Variants in PCDH9 observed in about 807,000 individuals in gnomAD.
PCDH9 encodes the protein protocadherin 9.
Under a neutral mutation model 70.6 loss-of-function variants are expected in PCDH9, and 24 were observed. That is an observed-to-expected ratio of 0.34 (90% CI 0.25 to 0.48). The LOEUF (loss-of-function observed/expected upper bound fraction) is 0.48, where lower values mean the gene tolerates loss of function less well. Among genes scored for constraint, PCDH9 ranks in the 20% least tolerant of loss-of-function variants. PCDH9 has a pLI of 0.99. For synonymous variants in PCDH9, 562 were observed against 558.5 expected (o/e 1.01, Z -0.09); for missense variants, 1,281 against 1,503.6 (o/e 0.85, Z 2.45).
chr13:66,585,270 T>C (rs1178704706), intron 4 of PCDH9, among the ~76,000 whole-genome samples: 1 of 152,116 alleles, frequency 6.6e-6, no homozygotes, highest in Non-Finnish European at 1.5e-5. Context: ...AAATAGAAAA[T>C]TCTCTTTGTA....
chr13:66,956,184 G>A (rs986553864), intron 2 of PCDH9, among the ~76,000 whole-genome samples: 1 of 152,160 alleles, frequency 6.6e-6, no homozygotes, highest in African/African-American at 2.4e-5. Context: ...CTGACAGCTA[G>A]GAGGGGCTCA....
chr13:66,816,506 C>T (rs1165298865), intron 3 of PCDH9, among the ~76,000 whole-genome samples: 2 of 152,120 alleles, frequency 1.3e-5, no homozygotes, highest in Non-Finnish European at 2.9e-5. Flanking sequence ...TAAATTTATT[C>T]CTTTTTTCTT....
At chr13:67,161,802 T>C (rs1237823055) in intron 2 of PCDH9, among the ~76,000 whole-genome samples, 1 of 152,190 alleles carries the variant, frequency 6.6e-6, no homozygotes, top group Non-Finnish European at 1.5e-5. Flanking sequence ...CTCTTACAAA[T>C]ATCTGTAATC....
chr13:66,725,873 T>G (rs949497060), intron 3 of PCDH9, among the ~76,000 whole-genome samples: 1 of 152,188 alleles, frequency 6.6e-6, no homozygotes, highest in Non-Finnish European at 1.5e-5. Context: ...AGGAAAAGTA[T>G]CATTTCCATT....
At chr13:66,675,462 T>C (rs1218226403) in intron 3 of PCDH9, among the ~76,000 whole-genome samples, 1 of 152,150 alleles carries the variant, frequency 6.6e-6, no homozygotes, top group African/African-American at 2.4e-5. Flanking sequence ...TGCATGTTTC[T>C]GGTTATAGAC....
chr13:66,895,052 C>A (rs1396783854), intron 3 of PCDH9, among the ~76,000 whole-genome samples: 1 of 152,132 alleles, frequency 6.6e-6, no homozygotes, highest in Non-Finnish European at 1.5e-5. Flanking sequence ...AAGTGATCTG[C>A]CCGCCTTGGC....
chr13:66,313,494 G>A (rs946020749), intron 4 of PCDH9, among the ~76,000 whole-genome samples: 15 of 152,182 alleles, frequency 9.9e-5, no homozygotes, highest in Admixed American at 9.8e-4. Context: ...TTTTCAGGCT[G>A]AAGTCCAAGT....
At chr13:66,636,176 G>A (rs879249303) in intron 3 of PCDH9, among the ~76,000 whole-genome samples, 5 of 152,052 alleles carry the variant, frequency 3.3e-5, no homozygotes, top group African/African-American at 1.2e-4. Context: ...ATTCAAAAAT[G>A]TTATTATTTT....
At chr13:66,682,366 AT>A (rs2078337462) in intron 3 of PCDH9, among the ~76,000 whole-genome samples, 1 of 48,524 alleles carries the variant, frequency 2.1e-5, no homozygotes, top group Non-Finnish European at 4.0e-5. Context: ...CTATCTATCT[AT>A]CTATCTATCT....
intron 3 of PCDH9, among the ~76,000 whole-genome samples, chr13:66,900,512 T>G (rs1385409950): frequency 6.6e-6 from 1 of 151,900 alleles, no homozygotes; most frequent in East Asian, 1.9e-4. Context: ...AGAAGAATTA[T>G]TATAATGCAT....
At chr13:66,972,385 A>G (rs1005218306) in intron 2 of PCDH9, among the ~76,000 whole-genome samples, 4 of 151,872 alleles carry the variant, frequency 2.6e-5, no homozygotes, top group African/African-American at 9.7e-5. Context: ...AAAATTAATA[A>G]CTTTCTCTTA....
intron 2 of PCDH9, among the ~76,000 whole-genome samples, chr13:66,938,454 G>C (rs955149442): frequency 2.6e-5 from 4 of 152,148 alleles, no homozygotes; most frequent in African/African-American, 9.7e-5. Context: ...ACAGTTCTTT[G>C]TGAATGGGGG....
intron 4 of PCDH9, among the ~76,000 whole-genome samples, chr13:66,442,503 G>A (rs1957992849): frequency 6.6e-6 from 1 of 151,952 alleles, no homozygotes; most frequent in South Asian, 2.1e-4. Context: ...ATAGAAAAAG[G>A]ATACAATGGA....
intron 3 of PCDH9, among the ~76,000 whole-genome samples, chr13:66,752,487 G>A (rs1382936373): frequency 6.6e-6 from 1 of 152,104 alleles, no homozygotes; most frequent in African/African-American, 2.4e-5. Flanking sequence ...TGTAGAGACA[G>A]GGTTTCACCA....
intron 2 of PCDH9, among the ~76,000 whole-genome samples, chr13:66,946,370 C>T (rs184063020): frequency 6.6e-6 from 1 of 152,204 alleles, no homozygotes; most frequent in African/African-American, 2.4e-5. Flanking sequence ...AAGCTGCACA[C>T]TTAAAAATAT....
In PCDH9 at chr13:67,227,063, C is replaced by T; in HGVS notation, c.1378G>A (p.Glu460Lys). Residue 460 changes from glutamate (E) to lysine (K), a missense_variant, in exon 2 of 5, where the codon GAG (glutamate) becomes AAG (lysine). This residue lies in a region of PCDH9 where 798 missense variants were observed against 1,003.1 expected (regional missense o/e 0.80). Coordinates refer to ENST00000377865, the MANE Select transcript of PCDH9 (RefSeq NM_203487.3). This position sits in a 1 kb window ranked among gnomAD's most constrained non-coding sequence, Gnocchi z 4.6. ...ATTGGTGGGTTGTCATTTTCATCCT[C>T]AAGCTTAACCCTTACCAGGGCAGTC... The part of the protein sequence containing the change: ...NQTALVRVKL[E>K]DENDNPPIFN... The T allele has an allele frequency of 1.2e-6, 2 of 1,614,152 alleles. No homozygotes were observed. The highest frequency in any genetic ancestry group is 1.7e-6 in the Non-Finnish European group (2 of 1,179,990).
chr13:66,946,837 CA>C (rs1476948621), intron 2 of PCDH9, among the ~76,000 whole-genome samples: 14 of 151,802 alleles, frequency 9.2e-5, no homozygotes, highest in Admixed American at 2.6e-4. Context: ...AAGAATAGCC[CA>C]AAAAATATGA....
chr13:67,213,241 A>G (rs1400492651), intron 2 of PCDH9: 4 of 45,572 alleles, frequency 8.8e-5, no homozygotes, highest in Non-Finnish European at 2.6e-4. Flanking sequence ...AAAAAAAAGA[A>G]AAAAAAAAGC....
At chr13:66,552,052 C>A (rs1233339274) in intron 4 of PCDH9, among the ~76,000 whole-genome samples, 2 of 152,026 alleles carry the variant, frequency 1.3e-5, no homozygotes, top group Non-Finnish European at 2.9e-5. Flanking sequence ...CTATAGAGTT[C>A]TCTCTCCAGG....
Sources: allele counts gnomAD v4.1 joint callset (sites outside exome capture counted in the v4.1 genomes callset), GRCh38; gene constraint gnomAD v4.1.1; regional missense constraint gnomAD v4.1.1; non-coding constraint Gnocchi (gnomAD v3.1); transcripts MANE v1.5; gene names NCBI Gene and HGNC (gene_info 2026-07-23, HGNC 2026-07-21).